Variants in GABPB1 observed in about 807,000 individuals in gnomAD.
GABPB1 encodes GA binding protein transcription factor subunit beta 1.
In GABPB1, 15 loss-of-function variants were observed where a neutral mutation model predicts 45.9. The observed-to-expected ratio is 0.33, with a 90% confidence interval of 0.22 to 0.50. The LOEUF (loss-of-function observed/expected upper bound fraction) is 0.50, where lower values mean the gene tolerates loss of function less well. Ranked by LOEUF, GABPB1 falls within the 20% of genes least tolerant of loss-of-function variation. The probability of loss-of-function intolerance (pLI) is 0.98; values close to 1 mark genes in which losing one functional copy is unlikely to be tolerated. For missense variants in GABPB1, 252 were observed against 457.5 expected, an observed-to-expected ratio of 0.55 and a Z score of 4.10; for synonymous variants, 143 against 154.4, an observed-to-expected ratio of 0.93 and a Z score of 0.55.
chr15:50,324,044 A>T (rs1281677379), intron 1 of GABPB1, among the ~76,000 whole-genome samples: 1 of 152,108 alleles, frequency 6.6e-6, no homozygotes, highest in African/African-American at 2.4e-5. Context: ...TCTACAAAAA[A>T]TACATAAAAA....
chr15:50,285,730 T>A (rs895757858), intron 8 of GABPB1: 105 of 798,560 alleles, frequency 1.3e-4, no homozygotes, highest in Middle Eastern at 5.3e-4. Context: ...AAAAAAAAAA[T>A]TTTAGCCAAT....
intron 8 of GABPB1, among the ~76,000 whole-genome samples, chr15:50,283,712 A>C (rs2046068750): frequency 6.6e-6 from 1 of 152,030 alleles, no homozygotes; most frequent in Non-Finnish European, 1.5e-5. Context: ...GGGTTTTGCC[A>C]TGTTGGCCAG....
chr15:50,328,622 A>G (rs1595815668), intron 1 of GABPB1, among the ~76,000 whole-genome samples: 1 of 152,224 alleles, frequency 6.6e-6, no homozygotes, highest in Non-Finnish European at 1.5e-5. Flanking sequence ...TAGGTTAGTG[A>G]TAGTCTAATC....
intron 1 of GABPB1, among the ~76,000 whole-genome samples, chr15:50,346,991 T>A (rs2048613327): frequency 6.6e-6 from 1 of 152,008 alleles, no homozygotes; most frequent in South Asian, 2.1e-4. Context: ...GGTTTCACCA[T>A]CTTGGCCAAA....
chr15:50,302,399 T>A (rs2046782070), intron 4 of GABPB1, among the ~76,000 whole-genome samples: 1 of 152,010 alleles, frequency 6.6e-6, no homozygotes, highest in South Asian at 2.1e-4. Flanking sequence ...TCCCAGCACT[T>A]TGGGAGGCCG....
At chr15:50,309,669 C>T (rs200381271) in intron 2 of GABPB1, 22 bp downstream of exon 2, 1 of 1,349,140 alleles carries the variant, frequency 7.4e-7, no homozygotes, top group Middle Eastern at 1.8e-4. Flanking sequence ...AAAGAACACA[C>T]AATATTAAAA....
intron 1 of GABPB1, among the ~76,000 whole-genome samples, chr15:50,321,116 T>C (rs1400772710): frequency 6.6e-6 from 1 of 152,170 alleles, no homozygotes; most frequent in Non-Finnish European, 1.5e-5. Context: ...TATGATCCTG[T>C]TTTAATTTTT....
intron 8 of GABPB1, among the ~76,000 whole-genome samples, chr15:50,280,466 G>A (rs538443926): frequency 5.3e-5 from 8 of 152,220 alleles, no homozygotes; most frequent in South Asian, 4.1e-4. Context: ...AAAATTTTAC[G>A]TGTGGCTGGG....
rs2045828265 is a variant in GABPB1 at position 50,275,473 on chromosome 15, G to A, written c.*3159C>T. On this transcript the variant is annotated 3_prime_UTR_variant, in exon 9 of 9. Transcript: ENST00000380877. ...TTATGTCCTGATAAACCCATCCTAA[G>A]TCAAAAATATCATAAATGTAAAATG... 1 of 152,118 alleles carries A rather than the reference G, an allele frequency of 6.6e-6. No homozygotes were observed. Among genetic ancestry groups the A allele is most frequent in the African/African-American group, 2.4e-5 (1 of 41,430 alleles). The allele number at this position is 152,118 out of a possible 1,614,324, so 9.4% of individuals were successfully genotyped here. A position where few individuals can be genotyped will look rare whatever the true frequency, so the allele number is the denominator to read the frequency against.
At chr15:50,281,416 T>C (rs1438898261) in intron 8 of GABPB1, among the ~76,000 whole-genome samples, 1 of 152,156 alleles carries the variant, frequency 6.6e-6, no homozygotes, top group Non-Finnish European at 1.5e-5. Flanking sequence ...TTTCACCATG[T>C]TAGCCAGGAT....
At chr15:50,347,134 C>T (rs1407880732) in intron 1 of GABPB1, among the ~76,000 whole-genome samples, 2 of 152,058 alleles carry the variant, frequency 1.3e-5, no homozygotes, top group Non-Finnish European at 2.9e-5. Context: ...GAGGGCTCTA[C>T]CCACCTGAGC....
chr15:50,292,773 GC>G (rs2046391412), intron 6 of GABPB1, among the ~76,000 whole-genome samples: 1 of 151,968 alleles, frequency 6.6e-6, no homozygotes, highest in East Asian at 1.9e-4. Context: ...AGAGATACAT[GC>G]CAAAGTAAAG....
chr15:50,287,164 AC>A (rs2046191062), intron 7 of GABPB1, among the ~76,000 whole-genome samples: 1 of 152,206 alleles, frequency 6.6e-6, no homozygotes, highest in African/African-American at 2.4e-5. Context: ...TGTAAAGTCT[AC>A]ATAATTCACA....
intron 3 of GABPB1, among the ~76,000 whole-genome samples, chr15:50,303,555 G>A (rs1316640823): frequency 2.0e-5 from 3 of 152,000 alleles, no homozygotes; most frequent in East Asian, 3.9e-4. Context: ...GGTGGTGGGC[G>A]CCTGTAGTCC....
intron 1 of GABPB1, chr15:50,354,528 C>G: frequency 2.2e-6 from 1 of 448,734 alleles, no homozygotes; most frequent in Non-Finnish European, 4.5e-6. Flanking sequence ...CAAAGGGTAC[C>G]GCGGCGCCAG....
intron 1 of GABPB1, among the ~76,000 whole-genome samples, chr15:50,312,578 G>C (rs1319027972): frequency 6.6e-6 from 1 of 152,088 alleles, no homozygotes; most frequent in Non-Finnish European, 1.5e-5. Context: ...ATTAAAGGCA[G>C]GATAAAGCAA....
chr15:50,345,115 G>C (rs2048516588), intron 1 of GABPB1, among the ~76,000 whole-genome samples: 1 of 152,104 alleles, frequency 6.6e-6, no homozygotes, highest in South Asian at 2.1e-4. Context: ...ACAGTGCTAA[G>C]AGGCTCATGA....
intron 1 of GABPB1, among the ~76,000 whole-genome samples, chr15:50,317,235 A>C (rs2047365791): frequency 6.6e-6 from 1 of 151,816 alleles, no homozygotes; most frequent in Non-Finnish European, 1.5e-5. Flanking sequence ...ACCTTTACTA[A>C]AAATAAAAAA....
intron 6 of GABPB1, among the ~76,000 whole-genome samples, chr15:50,296,112 C>T (rs549161161): frequency 1.3e-5 from 2 of 152,192 alleles, no homozygotes; most frequent in East Asian, 3.9e-4. Flanking sequence ...ATCACAATTG[C>T]CTTCTCTTTA....
Sources: allele counts gnomAD v4.1 joint callset (sites outside exome capture counted in the v4.1 genomes callset), GRCh38; gene constraint gnomAD v4.1.1; transcripts MANE v1.5; gene names NCBI Gene and HGNC (gene_info 2026-07-23, HGNC 2026-07-21).